Variants in CSGALNACT2 observed in about 807,000 individuals in gnomAD.
CSGALNACT2 encodes beta 4 GalNAcT-2.
In CSGALNACT2, 35 loss-of-function variants were observed where a neutral mutation model predicts 55.3. The ratio of observed to expected loss-of-function variants is 0.63; its 90% CI spans 0.48 to 0.84. CSGALNACT2 has a LOEUF of 0.84. Among genes scored for constraint, CSGALNACT2 ranks in the 40% least tolerant of loss-of-function variants. The pLI, the probability that CSGALNACT2 is intolerant of heterozygous loss-of-function variation, is 0.00. For missense variants in CSGALNACT2, 544 were observed against 657.5 expected (o/e 0.83, Z 1.89); for synonymous variants, 196 against 224.9 (o/e 0.87, Z 1.15).
chr10:43,161,382 A>G (rs1839145305), intron 4 of CSGALNACT2, among the ~76,000 whole-genome samples: 1 of 152,208 alleles, frequency 6.6e-6, no homozygotes, highest in Non-Finnish European at 1.5e-5. Context: ...TAGGTTGATT[A>G]TCATCTCTAA....
chr10:43,143,771 AAC>A (rs1838683933), intron 1 of CSGALNACT2, among the ~76,000 whole-genome samples: 1 of 152,160 alleles, frequency 6.6e-6, no homozygotes, highest in Non-Finnish European at 1.5e-5. Context: ...TTTCTCCAGA[AAC>A]ACGCTGTTAA....
chr10:43,171,836 A>G (rs1046493967), intron 6 of CSGALNACT2, among the ~76,000 whole-genome samples: 8 of 152,210 alleles, frequency 5.3e-5, no homozygotes, highest in African/African-American at 1.9e-4. Context: ...AAAGACAAAA[A>G]CTTGTTTTCC....
At chr10:43,141,375 G>GC (rs1428637425) in intron 1 of CSGALNACT2, among the ~76,000 whole-genome samples, 1 of 140,892 alleles carries the variant, frequency 7.1e-6, no homozygotes, top group African/African-American at 2.7e-5. Flanking sequence ...CCGCCACCAT[G>GC]CCCGGCTAAT....
chr10:43,155,813 A>G lies in CSGALNACT2; in HGVS notation c.661+3A>G. The G allele has an allele frequency of 1.2e-6, 2 of 1,601,716 alleles. No individual in the cohort carries two copies. Among genetic ancestry groups the G allele is most frequent in the South Asian group, 1.1e-5 (1 of 89,052 alleles). ...TAATGAAAATGACTTCGTAGAAGGTAATGTGAAAAATATGTTGGTCAATAT... is the reference window on the plus strand; with the variant it reads ...TAATGAAAATGACTTCGTAGAAGGTGATGTGAAAAATATGTTGGTCAATAT... On this transcript the variant is annotated splice_donor_region_variant and intron_variant, in intron 2 of 7. Coordinates refer to ENST00000374466, the MANE Select transcript of CSGALNACT2 (RefSeq NM_018590.5).
intron 1 of CSGALNACT2, among the ~76,000 whole-genome samples, chr10:43,143,958 G>C (rs752968035): frequency 5.3e-5 from 8 of 152,102 alleles, no homozygotes; most frequent in African/African-American, 1.9e-4. Context: ...AAGTAATCAA[G>C]AACTTATCAA....
rs1304253625 is a variant in CSGALNACT2, at chr10:43,138,573, T to C, written c.-254+6T>C. 2.7e-5 allele frequency: 4 copies of C among 150,356 alleles called. No homozygotes were observed. Among genetic ancestry groups the C allele is most frequent in the Non-Finnish European group, 5.9e-5 (4 of 67,496 alleles). The allele number at this position is 150,356 out of a possible 1,614,324, so 9.3% of individuals were successfully genotyped here. ...GCGCAGAGCGGGCGAGCGCGGTGAG[T>C]ACCTGGCCCGGCCTCGCCCGCCGGT... On this transcript the variant is annotated splice_donor_region_variant and intron_variant, in intron 1 of 7. Transcript: ENST00000374466.
chr10:43,163,408 T>G (rs1430340362), intron 4 of CSGALNACT2: 1 of 650,476 alleles, frequency 1.5e-6, no homozygotes, highest in African/African-American at 2.0e-5. Context: ...AGGATGGAGA[T>G]GAAGGAGTGG....
intron 6 of CSGALNACT2, among the ~76,000 whole-genome samples, chr10:43,175,170 T>C (rs991896471): frequency 2.0e-5 from 3 of 152,226 alleles, no homozygotes; most frequent in African/African-American, 7.2e-5. Context: ...ACAGTTCTGC[T>C]GCAACTACTC....
At chr10:43,154,864 A>G (rs1816347548) in intron 1 of CSGALNACT2, 33 bp from the exon 2 acceptor site, 2 of 348,320 alleles carry the variant, frequency 5.7e-6, no homozygotes, top group African/African-American at 4.2e-5. Flanking sequence ...TAAGGGAACA[A>G]AATTCTGATT....
At chr10:43,146,961 A>T (rs1196408295) in intron 1 of CSGALNACT2, among the ~76,000 whole-genome samples, 11 of 111,888 alleles carry the variant, frequency 9.8e-5, no homozygotes, top group Non-Finnish European at 1.4e-4. Flanking sequence ...AATGTTGAGC[A>T]TCTTTTTTTT....
intron 7 of CSGALNACT2, among the ~76,000 whole-genome samples, chr10:43,177,416 T>C (rs991648641): frequency 1.3e-5 from 2 of 152,306 alleles, no homozygotes; most frequent in Non-Finnish European, 2.9e-5. Context: ...CAATCACTCC[T>C]CACATCCTAC....
At chr10:43,142,206 T>G (rs1838643911) in intron 1 of CSGALNACT2, among the ~76,000 whole-genome samples, 1 of 151,634 alleles carries the variant, frequency 6.6e-6, no homozygotes, top group African/African-American at 2.4e-5. Flanking sequence ...ATTTATTTGT[T>G]TATTTATTTA....
At chr10:43,144,318 A>G (rs1838695767) in intron 1 of CSGALNACT2, among the ~76,000 whole-genome samples, 1 of 152,230 alleles carries the variant, frequency 6.6e-6, no homozygotes. Context: ...GTGTATAATC[A>G]AGATTGAGTA....
At chr10:43,180,509 G>C (rs1435754016) in intron 7 of CSGALNACT2, among the ~76,000 whole-genome samples, 1 of 152,060 alleles carries the variant, frequency 6.6e-6, no homozygotes, top group African/African-American at 2.4e-5. Flanking sequence ...TGTGTTATCT[G>C]CTCTTTCCAT....
At chr10:43,150,835 G>A (rs1195811567) in intron 1 of CSGALNACT2, among the ~76,000 whole-genome samples, 1 of 152,160 alleles carries the variant, frequency 6.6e-6, no homozygotes, top group East Asian at 1.9e-4. Flanking sequence ...CCAGTTACAT[G>A]TATATTAGGC....
At chr10:43,159,651 A>T (rs543327594) in intron 3 of CSGALNACT2, among the ~76,000 whole-genome samples, 32 of 152,242 alleles carry the variant, frequency 2.1e-4, no homozygotes, top group African/African-American at 7.7e-4. Flanking sequence ...TAAACTAAAA[A>T]TTGGAGAAAG....
intron 6 of CSGALNACT2, among the ~76,000 whole-genome samples, chr10:43,170,559 A>G (rs982766250): frequency 6.6e-6 from 1 of 152,236 alleles, no homozygotes; most frequent in Non-Finnish European, 1.5e-5. Flanking sequence ...CCATGAGTCT[A>G]TACTGATACA....
intron 7 of CSGALNACT2, among the ~76,000 whole-genome samples, chr10:43,176,709 C>G (rs1047200111): frequency 6.6e-6 from 1 of 152,170 alleles, no homozygotes; most frequent in African/African-American, 2.4e-5. Context: ...TGACCACAGG[C>G]GTGCACCACC....
chr10:43,166,952 A>G, intron 5 of CSGALNACT2, 52 bp from the exon 6 acceptor site: 1 of 1,082,076 alleles, frequency 9.2e-7, no homozygotes, highest in Non-Finnish European at 1.4e-6. Context: ...GCAATAAAGA[A>G]CAGTTCTTCA....
Sources: allele counts gnomAD v4.1 joint callset (sites outside exome capture counted in the v4.1 genomes callset), GRCh38; gene constraint gnomAD v4.1.1; transcripts MANE v1.5; gene names NCBI Gene and HGNC (gene_info 2026-07-23, HGNC 2026-07-21).